Variants in UVRAG observed in about 807,000 individuals in gnomAD.
UVRAG encodes the protein UV radiation resistance associated.
In UVRAG, 19 loss-of-function variants were observed where a neutral mutation model predicts 78.0. The observed-to-expected ratio is 0.24, with a 90% CI of 0.17 to 0.36. UVRAG has a LOEUF of 0.36. UVRAG is among the 10% of genes least tolerant of loss of function. The pLI, the probability that UVRAG is intolerant of heterozygous loss-of-function variation, is 1.00. For missense variants in UVRAG, 740 were observed against 853.8 expected, an observed-to-expected ratio of 0.87 and a Z score of 1.66; for synonymous variants, 323 against 324.6, an observed-to-expected ratio of 1.00 and a Z score of 0.05.
rs1946922432 is a variant in UVRAG at position 75,880,712 on chromosome 11, G to A, written c.432+672G>A. Among the ~76,000 whole-genome samples, 4 of 152,012 alleles carry A rather than the reference G, an allele frequency of 2.6e-5. No homozygotes were observed. In the South Asian group the frequency reaches 8.3e-4, roughly 32 times the overall value. On this transcript the variant is annotated intron_variant, in intron 4 of 14. Coordinates refer to ENST00000356136, the MANE Select transcript of UVRAG (RefSeq NM_003369.4). ...TGGGATTACAGGCATGTGCCACCAT[G>A]CCCAGCTAATTTTTTGTATTTTAGT...
intron 5 of UVRAG, among the ~76,000 whole-genome samples, chr11:75,895,065 C>T (rs796638850): frequency 1.3e-5 from 2 of 152,064 alleles, no homozygotes; most frequent in East Asian, 3.9e-4. Flanking sequence ...GCTTTGAGAA[C>T]AGGATTAAAT....
chr11:75,873,274 C>T (rs1005746341), intron 3 of UVRAG, among the ~76,000 whole-genome samples: 2 of 151,892 alleles, frequency 1.3e-5, no homozygotes, highest in Non-Finnish European at 2.9e-5. Flanking sequence ...TGGTCTTGGC[C>T]TTAAATTTAA....
In UVRAG at chr11:75,914,911, C is replaced by G. The variant is rs1490284240; in HGVS notation, c.593+2872C>G. Among the ~76,000 whole-genome samples the G allele has an allele frequency of 2.0e-5, 3 of 152,146 alleles. No homozygotes were observed. The East Asian group carries it at 5.8e-4, about 29-fold the overall frequency. On this transcript the variant is annotated intron_variant, in intron 6 of 14. Transcript: ENST00000356136. ...TGGGAGTGTCACAGAAAAATGGGCA[C>G]TCTTGACTAAGGCAAGGACTTTGGA...
intron 1 of UVRAG, among the ~76,000 whole-genome samples, chr11:75,823,338 C>G (rs1283033664): frequency 6.6e-6 from 1 of 152,124 alleles, no homozygotes; most frequent in African/African-American, 2.4e-5. Flanking sequence ...CTGTGCTCCC[C>G]CTTCTTGAGG....
chr11:76,139,388 C>T (rs1020131353), intron 14 of UVRAG, among the ~76,000 whole-genome samples: 4 of 152,192 alleles, frequency 2.6e-5, no homozygotes, highest in Non-Finnish European at 4.4e-5. Flanking sequence ...TCCTGCAGGA[C>T]TGGTAGCTCC....
At chr11:76,111,442 G>C (rs1031408672) in intron 13 of UVRAG, among the ~76,000 whole-genome samples, 1 of 152,106 alleles carries the variant, frequency 6.6e-6, no homozygotes, top group Non-Finnish European at 1.5e-5. Flanking sequence ...CAATAACTAC[G>C]TTCCCACATG....
intron 6 of UVRAG, among the ~76,000 whole-genome samples, chr11:75,920,639 C>T (rs1481768542): frequency 1.3e-5 from 2 of 152,104 alleles, no homozygotes; most frequent in Admixed American, 6.5e-5. Flanking sequence ...CATAGGTCCG[C>T]ATGACCCCTA....
intron 13 of UVRAG, among the ~76,000 whole-genome samples, chr11:76,103,542 T>TG (rs952883298): frequency 4.2e-5 from 6 of 141,792 alleles, no homozygotes; most frequent in Non-Finnish European, 8.9e-5. Context: ...TTTTGGTTTT[T>TG]TTTTTTTTTT....
At chr11:76,115,112 C>T (rs937891362) in intron 13 of UVRAG, among the ~76,000 whole-genome samples, 11 of 152,068 alleles carry the variant, frequency 7.2e-5, no homozygotes, top group African/African-American at 2.2e-4. Flanking sequence ...TGGTCAGTTA[C>T]GGAAGCAAAT....
At chr11:75,876,299 A>G (rs1323069125) in intron 3 of UVRAG, among the ~76,000 whole-genome samples, 1 of 152,088 alleles carries the variant, frequency 6.6e-6, no homozygotes, top group East Asian at 1.9e-4. Context: ...AGTCTTTTAT[A>G]TTTACCCACA....
At chr11:76,128,107 C>T (rs573709539) in intron 14 of UVRAG, among the ~76,000 whole-genome samples, 2 of 152,310 alleles carry the variant, frequency 1.3e-5, no homozygotes, top group East Asian at 1.9e-4. Flanking sequence ...CCCCAACCCT[C>T]GGCCATGTAC....
chr11:75,996,855 G>A (rs1453531118), intron 8 of UVRAG, among the ~76,000 whole-genome samples: 2 of 152,120 alleles, frequency 1.3e-5, no homozygotes, highest in Non-Finnish European at 2.9e-5. Context: ...CATAGAATCT[G>A]CTTATTGTTC....
chr11:76,108,301 A>C (rs1393744795), intron 13 of UVRAG, among the ~76,000 whole-genome samples: 1 of 152,198 alleles, frequency 6.6e-6, no homozygotes, highest in Non-Finnish European at 1.5e-5. Context: ...GTGTTTAAAA[A>C]ATAAAAATAA....
At position 76,141,281 on chromosome 11, in the gene UVRAG, A is replaced by G; in HGVS notation, c.1968A>G (p.Pro656=). 6.2e-7 allele frequency: 1 copy of G among 1,614,236 alleles called. No homozygotes were observed. Among genetic ancestry groups the G allele is most frequent in the Non-Finnish European group, 8.5e-7 (1 of 1,180,040 alleles). ...AGCTAGAAGCATTTAACTGCATCCC[A>G]GTGGACAGTGCTGTGGCAGTAGAGT... ...GDQLEAFNCI[P]VDSAVAVECD... Residue 656 remains proline, a synonymous_variant, in exon 15 of 15, where the codon CCA becomes CCG. Coordinates refer to ENST00000356136, the MANE Select transcript of UVRAG (RefSeq NM_003369.4).
At chr11:76,035,168 A>G (rs760327115) in intron 12 of UVRAG, among the ~76,000 whole-genome samples, 3 of 152,298 alleles carry the variant, frequency 2.0e-5, no homozygotes, top group Admixed American at 1.3e-4. Flanking sequence ...AGCTTTAAAA[A>G]CTTAGTTACT....
At chr11:75,870,896 T>C (rs1043881577) in intron 3 of UVRAG, among the ~76,000 whole-genome samples, 3 of 151,916 alleles carry the variant, frequency 2.0e-5, no homozygotes, top group African/African-American at 7.3e-5. Context: ...TGATACGGAG[T>C]TTCACTCTTG....
intron 8 of UVRAG, among the ~76,000 whole-genome samples, chr11:75,986,303 A>G (rs1358006900): frequency 6.6e-6 from 1 of 152,050 alleles, no homozygotes; most frequent in Non-Finnish European, 1.5e-5. Flanking sequence ...TTGTTGTTTT[A>G]TGATACTATT....
chr11:76,140,053 C>G (rs1207759367), intron 14 of UVRAG, among the ~76,000 whole-genome samples: 1 of 89,988 alleles, frequency 1.1e-5, no homozygotes, highest in African/African-American at 5.3e-5. Context: ...CCTTGACTCT[C>G]TCTCTCTCCC....
At chr11:76,115,801 A>G in intron 13 of UVRAG, 123 bp from the exon 14 acceptor site, 1 of 838,328 alleles carries the variant, frequency 1.2e-6, no homozygotes, top group South Asian at 1.6e-5. Context: ...TGAGGCTGAT[A>G]ATAGTATCAA....
Sources: gnomAD v4.1 joint callset for allele counts (sites outside exome capture counted in the v4.1 genomes callset) on GRCh38, gnomAD v4.1.1 for gene constraint, MANE v1.5 for transcripts, NCBI Gene and HGNC (gene_info 2026-07-23, HGNC 2026-07-21) for gene names.